Variants in HMBOX1 observed in about 807,000 individuals in gnomAD.
HMBOX1 encodes the protein homeobox containing 1.
In HMBOX1, 14 loss-of-function variants were observed where a neutral mutation model predicts 54.5. That is an observed-to-expected ratio of 0.26 (90% confidence interval 0.17 to 0.40). The LOEUF (loss-of-function observed/expected upper bound fraction) is 0.40. Among genes scored for constraint, HMBOX1 ranks in the 10% least tolerant of loss-of-function variants. The pLI, the probability that HMBOX1 is intolerant of heterozygous loss-of-function variation, is 1.00. For missense variants in HMBOX1, 332 were observed against 514.4 expected (o/e 0.65, Z 3.43); for synonymous variants, 160 against 181.0 (o/e 0.88, Z 0.93).
chr8:29,037,609 T>C (rs1804116051), intron 6 of HMBOX1, among the ~76,000 whole-genome samples: 2 of 152,216 alleles, frequency 1.3e-5, no homozygotes, highest in South Asian at 4.1e-4. Context: ...AAACAAAAGA[T>C]GGTTATGCCA....
At chr8:28,934,243 A>AGAAAGACATCATTC (rs1819998360) in intron 1 of HMBOX1, among the ~76,000 whole-genome samples, 1 of 152,234 alleles carries the variant, frequency 6.6e-6, no homozygotes, top group South Asian at 2.1e-4. Flanking sequence ...CAATAGATGC[A>AGAAAGACATCATTC]GAAAGACATC....
chr8:29,028,843 T>C (rs527589883), intron 6 of HMBOX1, among the ~76,000 whole-genome samples: 47 of 152,332 alleles, frequency 3.1e-4, no homozygotes, highest in Non-Finnish European at 5.7e-4. Context: ...TGCTCTTTTA[T>C]AGCAATCTCT....
intron 6 of HMBOX1, among the ~76,000 whole-genome samples, chr8:29,036,454 G>C (rs1803886217): frequency 6.6e-6 from 1 of 152,146 alleles, no homozygotes; most frequent in Non-Finnish European, 1.5e-5. Flanking sequence ...TTTCAAGTGA[G>C]AAGTCCCAGG....
intron 6 of HMBOX1, among the ~76,000 whole-genome samples, chr8:29,022,697 A>C (rs901077069): frequency 3.9e-5 from 6 of 152,194 alleles, no homozygotes; most frequent in African/African-American, 7.2e-5. Context: ...GCTGTCATTT[A>C]TGTATTTGCT....
Position 28,902,805 on chromosome 8 carries a change from A to G in HMBOX1, c.-58+12127A>G, listed in dbSNP as rs189072406. ...TGTTGGAGAGCAGGGAACAGAGACT[A>G]CACTCCACCTTTTGATGGGAGGAGT... On this transcript the variant is annotated intron_variant, in intron 1 of 9. Coordinates refer to ENST00000287701, the MANE Select transcript of HMBOX1 (RefSeq NM_001135726.3). Among the ~76,000 whole-genome samples, 3 of 152,268 alleles carry G rather than the reference A, an allele frequency of 2.0e-5. No homozygotes were observed. The East Asian group carries it at 5.8e-4, about 29-fold the overall frequency.
intron 1 of HMBOX1, among the ~76,000 whole-genome samples, chr8:28,933,832 C>G (rs1476114567): frequency 1.3e-5 from 2 of 152,138 alleles, no homozygotes; most frequent in African/African-American, 2.4e-5. Flanking sequence ...AGCTAAAAAC[C>G]TTTCGTGCAA....
At chr8:28,901,175 T>TA (rs2131571357) in intron 1 of HMBOX1, among the ~76,000 whole-genome samples, 1 of 152,206 alleles carries the variant, frequency 6.6e-6, no homozygotes, top group African/African-American at 2.4e-5. Flanking sequence ...TCCTAGGTAA[T>TA]ACTCCCCTCC....
rs763567124 is a variant in HMBOX1, at chr8:29,009,188, T to C, written c.697+6T>C. On this transcript the variant is annotated splice_donor_region_variant and intron_variant, in intron 5 of 9. Coordinates refer to ENST00000287701, the MANE Select transcript of HMBOX1 (RefSeq NM_001135726.3). ...ACTTGAGAAGACAAACCCTGGTAAA[T>C]AGCATTTCCTTTTATTTATTGCATC... 75 of 1,589,486 alleles carry C rather than the reference T, an allele frequency of 4.7e-5. 1 individual carries two copies. The highest frequency in any genetic ancestry group is 3.3e-4 in the Middle Eastern group (2 of 6,016).
intron 2 of HMBOX1, 141 bp downstream of exon 2, chr8:28,964,031 C>A: frequency 1.7e-6 from 1 of 586,318 alleles, no homozygotes; most frequent in South Asian, 2.6e-5. Context: ...AAATGTTATA[C>A]CTATTTGACA....
intron 6 of HMBOX1, among the ~76,000 whole-genome samples, chr8:29,034,175 A>G (rs921774836): frequency 6.6e-6 from 1 of 152,212 alleles, no homozygotes; most frequent in African/African-American, 2.4e-5. Flanking sequence ...TGAATATCCA[A>G]GTTTGGTTGA....
intron 1 of HMBOX1, among the ~76,000 whole-genome samples, chr8:28,953,288 G>A (rs1263762982): frequency 3.3e-5 from 5 of 152,094 alleles, no homozygotes; most frequent in South Asian, 2.1e-4. Context: ...CCCTCCATGT[G>A]TCTGTCTCTC....
chr8:28,948,387 T>C (rs370752676), intron 1 of HMBOX1, among the ~76,000 whole-genome samples: 28 of 152,334 alleles, frequency 1.8e-4, no homozygotes, highest in African/African-American at 5.5e-4. Flanking sequence ...TCTCGCAGGA[T>C]TGAGGCATAA....
chr8:29,020,794 A>G (rs527556854), intron 6 of HMBOX1, among the ~76,000 whole-genome samples: 1 of 152,346 alleles, frequency 6.6e-6, no homozygotes, highest in Non-Finnish European at 1.5e-5. Flanking sequence ...AGTATGACGC[A>G]TATTTTTTTC....
At chr8:28,993,099 A>G (rs6988074) in intron 4 of HMBOX1, among the ~76,000 whole-genome samples, 4,801 of 151,922 alleles carry the variant, frequency 0.032, 243 homozygotes, top group African/African-American at 0.11. Context: ...TAAGAGTATT[A>G]TCACTATTTT....
intron 5 of HMBOX1, among the ~76,000 whole-genome samples, chr8:29,015,072 A>G (rs1377610441): frequency 6.6e-6 from 1 of 151,498 alleles, no homozygotes; most frequent in Admixed American, 6.6e-5. Context: ...CTTCCTGCCC[A>G]GTTTTATTTC....
chr8:29,014,477 A>G (rs1834698658), intron 5 of HMBOX1, among the ~76,000 whole-genome samples: 1 of 152,184 alleles, frequency 6.6e-6, no homozygotes, highest in South Asian at 2.1e-4. Flanking sequence ...AAGATGAACT[A>G]AGGTTTCCAG....
At chr8:29,029,026 T>C (rs910648985) in intron 6 of HMBOX1, among the ~76,000 whole-genome samples, 3 of 152,222 alleles carry the variant, frequency 2.0e-5, no homozygotes, top group Non-Finnish European at 4.4e-5. Context: ...TTGTTTGCTT[T>C]ATATAATTTG....
Position 28,973,803 on chromosome 8 carries a change from G to GTTTTTTTTTTTTTTTTTTTTT in HMBOX1, c.500+3295_500+3315dup, listed in dbSNP as rs71222583. ...TAATAATTTCGAGATACATAATGGAGTTTTTTTTTTTTTTTTTTTTTTTTT... is the reference window on the plus strand; with the variant it reads ...TAATAATTTCGAGATACATAATGGAGTTTTTTTTTTTTTTTTTTTTTTTTTTTTTTTTTTTTTTTTTTTTTT... On this transcript the variant is annotated intron_variant, in intron 3 of 9. Transcript: ENST00000287701. 6.2e-4 allele frequency among the ~76,000 whole-genome samples: 45 copies of GTTTTTTTTTTTTTTTTTTTTT among 72,658 alleles called. 5 individuals are homozygous for GTTTTTTTTTTTTTTTTTTTTT. Among genetic ancestry groups the GTTTTTTTTTTTTTTTTTTTTT allele is most frequent in the Non-Finnish European group, 8.7e-4 (34 of 38,952 alleles). 47.7% of individuals were successfully genotyped at this position (72,658 alleles called of 152,430 possible). A position where few individuals can be genotyped will look rare whatever the true frequency, so the allele number is the denominator to read the frequency against.
intron 1 of HMBOX1, among the ~76,000 whole-genome samples, chr8:28,961,655 T>C (rs547714296): frequency 2.9e-4 from 44 of 152,170 alleles, no homozygotes; most frequent in Non-Finnish European, 5.0e-4. Context: ...ATAATGCTGC[T>C]GTGAACACAG....
Sources: gnomAD v4.1 joint callset for allele counts (sites outside exome capture counted in the v4.1 genomes callset) on GRCh38, gnomAD v4.1.1 for gene constraint, MANE v1.5 for transcripts, NCBI Gene and HGNC (gene_info 2026-07-23, HGNC 2026-07-21) for gene names.